KLHL1: variants seen among roughly 807,000 people sequenced by gnomAD.
KLHL1 encodes the protein kelch like family member 1.
KLHL1 carries 47 observed loss-of-function variants against 77.7 expected under a neutral mutation model. The ratio of observed to expected loss-of-function variants is 0.60; its 90% CI spans 0.48 to 0.77. KLHL1 has a LOEUF of 0.77. KLHL1 is among the 30% of genes least tolerant of loss of function. The probability of loss-of-function intolerance (pLI) is 0.00; values close to 1 mark genes in which losing one functional copy is unlikely to be tolerated. For missense variants in KLHL1, 925 were observed against 910.8 expected (o/e 1.02, Z -0.20); for synonymous variants, 360 against 325.2 (o/e 1.11, Z -1.15).
chr13:69,931,061 C>T (rs79650444), intron 4 of KLHL1, among the ~76,000 whole-genome samples: 9 of 148,364 alleles, frequency 6.1e-5, no homozygotes, highest in Non-Finnish European at 1.0e-4. Context: ...ATATATCAGA[C>T]GTCAAATTAG....
chr13:69,981,517 G>T (rs76315146), intron 1 of KLHL1, among the ~76,000 whole-genome samples: 2 of 152,014 alleles, frequency 1.3e-5, no homozygotes, highest in Non-Finnish European at 2.9e-5. Context: ...TGTAGTAAAA[G>T]ATGACTTTAT....
intron 2 of KLHL1, among the ~76,000 whole-genome samples, chr13:69,970,425 T>C (rs1435206775): frequency 6.6e-6 from 1 of 152,144 alleles, no homozygotes; most frequent in African/African-American, 2.4e-5. Flanking sequence ...TCAAATATGA[T>C]GTAAAATCCA....
intron 1 of KLHL1, among the ~76,000 whole-genome samples, chr13:70,094,905 A>G (rs1221369610): frequency 6.6e-6 from 1 of 152,150 alleles, no homozygotes; most frequent in Non-Finnish European, 1.5e-5. Context: ...AGTGAAGGAA[A>G]TTAATGACAA....
chr13:69,765,775 G>T (rs1439232688), intron 7 of KLHL1, among the ~76,000 whole-genome samples: 1 of 152,108 alleles, frequency 6.6e-6, no homozygotes, highest in Non-Finnish European at 1.5e-5. Flanking sequence ...AACCACCCAG[G>T]CAATGCTACC....
At chr13:70,082,656 T>C (rs936914026) in intron 1 of KLHL1, among the ~76,000 whole-genome samples, 1 of 152,198 alleles carries the variant, frequency 6.6e-6, no homozygotes, top group Admixed American at 6.5e-5. Flanking sequence ...TGCAGGTTTG[T>C]TACCTGGGCA....
chr13:69,711,838 G>A (rs1010506212), intron 9 of KLHL1, among the ~76,000 whole-genome samples: 2 of 152,124 alleles, frequency 1.3e-5, no homozygotes, highest in Non-Finnish European at 2.9e-5. Context: ...AGTGTAATGA[G>A]CATGTCAGTT....
At chr13:70,095,170 T>G (rs919732604) in intron 1 of KLHL1, among the ~76,000 whole-genome samples, 1 of 152,188 alleles carries the variant, frequency 6.6e-6, no homozygotes, top group African/African-American at 2.4e-5. Context: ...GTATCGGTTA[T>G]AGATCTAAGT....
chr13:70,041,996 T>C (rs767605097), intron 1 of KLHL1, among the ~76,000 whole-genome samples: 23 of 152,156 alleles, frequency 1.5e-4, no homozygotes, highest in Admixed American at 4.6e-4. Flanking sequence ...TTAAAGTAGA[T>C]TGTTTATCAT....
intron 6 of KLHL1, among the ~76,000 whole-genome samples, chr13:69,818,376 A>T (rs1878207464): frequency 1.3e-5 from 2 of 151,736 alleles, no homozygotes; most frequent in African/African-American, 4.9e-5. Context: ...GGGTGCCACC[A>T]CACCCAGCTA....
intron 5 of KLHL1, among the ~76,000 whole-genome samples, chr13:69,871,429 T>C (rs184268324): frequency 6.6e-6 from 1 of 152,322 alleles, no homozygotes; most frequent in Non-Finnish European, 1.5e-5. Flanking sequence ...CGCTAATTTC[T>C]CTAGTAAGCG....
At chr13:70,039,160 T>C (rs1430766877) in intron 1 of KLHL1, among the ~76,000 whole-genome samples, 1 of 151,380 alleles carries the variant, frequency 6.6e-6, no homozygotes, top group Non-Finnish European at 1.5e-5. Context: ...CTTGAATTCC[T>C]AGGCTTGAAG....
chr13:69,939,805 A>G (rs1566425381), intron 4 of KLHL1, among the ~76,000 whole-genome samples: 1 of 152,188 alleles, frequency 6.6e-6, no homozygotes, highest in Non-Finnish European at 1.5e-5. Flanking sequence ...ATAAACCAAT[A>G]AATGTAAAAT....
At chr13:70,012,985 GTTTAA>G (rs1372794367) in intron 1 of KLHL1, among the ~76,000 whole-genome samples, 2 of 151,916 alleles carry the variant, frequency 1.3e-5, no homozygotes, top group Non-Finnish European at 2.9e-5. Context: ...ATCACTTGTC[GTTTAA>G]TTTTTCAATT....
At chr13:69,936,734 G>A (rs7986882) in intron 4 of KLHL1, among the ~76,000 whole-genome samples, 19,983 of 151,776 alleles carry the variant, frequency 0.13, 1,428 homozygotes, top group African/African-American at 0.16. Flanking sequence ...GGTTTAAACA[G>A]CCATTGAAAA....
chr13:69,804,316 G>T (rs1877520596), intron 6 of KLHL1, among the ~76,000 whole-genome samples: 1 of 150,706 alleles, frequency 6.6e-6, no homozygotes, highest in Non-Finnish European at 1.5e-5. Context: ...GTGGGGGGGG[G>T]AAATAGTAAT....
chr13:70,092,780 T>C (rs1312968337), intron 1 of KLHL1, among the ~76,000 whole-genome samples: 1 of 152,182 alleles, frequency 6.6e-6, no homozygotes, highest in African/African-American at 2.4e-5. Context: ...GTTGCAACTG[T>C]CTACATGTGG....
intron 7 of KLHL1, among the ~76,000 whole-genome samples, chr13:69,790,802 C>A (rs1326288543): frequency 6.6e-6 from 1 of 152,076 alleles, no homozygotes; most frequent in Non-Finnish European, 1.5e-5. Context: ...GTAATCCCAG[C>A]ACTTTGGGAG....
At chr13:69,831,440 T>C (rs1159865563) in intron 6 of KLHL1, among the ~76,000 whole-genome samples, 1 of 149,420 alleles carries the variant, frequency 6.7e-6, no homozygotes, top group African/African-American at 2.5e-5. Context: ...AGGAGCAAGA[T>C]TGAAATGGTA....
In KLHL1 at chr13:69,882,614, G is replaced by A. The variant is rs1452889517; in HGVS notation, c.1015-119C>T. The A allele has an allele frequency of 1.1e-5, 7 of 665,318 alleles. No individual in the cohort carries two copies. In the African/African-American group the frequency reaches 1.3e-4, roughly 12 times the overall value. 41.2% of individuals were successfully genotyped at this position (665,318 alleles called of 1,614,324 possible). On this transcript the variant is annotated intron_variant, in intron 4 of 10. Coordinates refer to ENST00000377844, the MANE Select transcript of KLHL1 (RefSeq NM_020866.3). Reference sequence around the variant, plus strand: ...GTTCTTATTATAACATAATCCTTGAGACTCGATCCTTCAGAAACTAGAGGC... The same window carrying A: ...GTTCTTATTATAACATAATCCTTGAAACTCGATCCTTCAGAAACTAGAGGC...
Sources: allele counts gnomAD v4.1 joint callset (sites outside exome capture counted in the v4.1 genomes callset), GRCh38; gene constraint gnomAD v4.1.1; transcripts MANE v1.5; gene names NCBI Gene and HGNC (gene_info 2026-07-23, HGNC 2026-07-21).